Variants in ADGRV1 observed in about 807,000 individuals in gnomAD.
The protein encoded by ADGRV1 is G-protein coupled receptor 98.
A neutral mutation model predicts 596.2 loss-of-function variants in ADGRV1; 359 were observed. That is an observed-to-expected ratio of 0.60 (90% CI 0.55 to 0.66). The LOEUF (loss-of-function observed/expected upper bound fraction) is 0.66. Among genes scored for constraint, ADGRV1 ranks in the 30% least tolerant of loss-of-function variants. The pLI, the probability that ADGRV1 is intolerant of heterozygous loss-of-function variation, is 0.00. For synonymous variants in ADGRV1, 2,681 were observed against 2,679.2 expected (o/e 1.00, Z -0.02); for missense variants, 7,274 against 7,575.6 (o/e 0.96, Z 1.48).
At chr5:90,772,362 A>T (rs1307423836) in intron 59 of ADGRV1, among the ~76,000 whole-genome samples, 6 of 152,182 alleles carry the variant, frequency 3.9e-5, no homozygotes, top group Admixed American at 2.0e-4. Flanking sequence ...GTTGTAAACA[A>T]ATGTTCTTTT....
intron 50 of ADGRV1, among the ~76,000 whole-genome samples, chr5:90,740,011 C>T (rs1489077524): frequency 6.6e-6 from 1 of 152,144 alleles, no homozygotes; most frequent in African/African-American, 2.4e-5. Context: ...TGGATTGATG[C>T]TCACTAGCTG....
intron 31 of ADGRV1, 145 bp downstream of exon 31, chr5:90,691,186 G>A (rs148619483): frequency 3.8e-6 from 4 of 1,042,668 alleles, no homozygotes; most frequent in Non-Finnish European, 5.9e-6. Flanking sequence ...GTGTGAAAGT[G>A]ATCCTTACAG....
chr5:90,624,126 T>A (rs1006971281), intron 5 of ADGRV1, among the ~76,000 whole-genome samples: 18 of 152,158 alleles, frequency 1.2e-4, no homozygotes, highest in African/African-American at 4.3e-4. Context: ...CTTGTGGGTG[T>A]CCACATCATA....
In ADGRV1 at chr5:90,653,284, A is replaced by T. The variant is rs369818855; in HGVS notation, c.3710A>T (p.Asp1237Val). 6.2e-7 allele frequency: 1 copy of T among 1,613,806 alleles called. No homozygotes were observed. The highest frequency in any genetic ancestry group is 1.3e-5 in the African/African-American group (1 of 74,912). Reference sequence around the variant, plus strand: ...ACAGTAATGGTTCCATTCAATGATGATCCCTTTGGAGTTTTTATCTTGGAT... The same window carrying T: ...ACAGTAATGGTTCCATTCAATGATGTTCCCTTTGGAGTTTTTATCTTGGAT... ...QVTVMVPFNDDPFGVFILDPE... is the reference protein window; with the variant it reads ...QVTVMVPFNDVPFGVFILDPE... Residue 1237 changes from aspartate (D) to valine (V), a missense_variant, in exon 20 of 90, where the codon GAT becomes GTT. Physicochemically the swap from Asp to Val is radical, Grantham distance 152. Around this residue, in one of 5 missense-constraint regions of ADGRV1, gnomAD observed 1,715 missense variants for 1,708.8 expected, o/e 1.00. Coordinates refer to ENST00000405460, the MANE Select transcript of ADGRV1 (RefSeq NM_032119.4).
intron 87 of ADGRV1, among the ~76,000 whole-genome samples, chr5:91,132,075 G>A (rs996677400): frequency 6.6e-6 from 1 of 151,964 alleles, no homozygotes; most frequent in African/African-American, 2.4e-5. Context: ...GTTTATTTTT[G>A]TCAACTTTGT....
chr5:91,003,741 A>G (rs1460546002), intron 85 of ADGRV1, among the ~76,000 whole-genome samples: 1 of 152,100 alleles, frequency 6.6e-6, no homozygotes, highest in East Asian at 1.9e-4. Context: ...AAAAGTTTCA[A>G]AAGTTAAGTT....
chr5:90,847,339 T>C (rs988085537), intron 78 of ADGRV1, among the ~76,000 whole-genome samples: 2 of 152,126 alleles, frequency 1.3e-5, no homozygotes, highest in African/African-American at 2.4e-5. Flanking sequence ...AGGGTGCTGA[T>C]TGGTGTGTTT....
Position 90,684,047 on chromosome 5 carries a change from A to C in ADGRV1, c.6126A>C (p.Pro2042=), listed in dbSNP as rs1745289087. ...CAACTCAAGGAAGAGACTATATACC[A>C]GCTTCTGGATTTGCTCTTTTTGGAG... The part of the protein sequence containing the change: ...ARATQGRDYI[P]ASGFALFGAN... Residue 2042 remains proline, a synonymous_variant, in exon 28 of 90, where the codon CCA becomes CCC. Coordinates refer to ENST00000405460, the MANE Select transcript of ADGRV1 (RefSeq NM_032119.4). 6.2e-7 allele frequency: 1 copy of C among 1,613,876 alleles called. No individual in the cohort carries two copies. Among genetic ancestry groups the C allele is most frequent in the Non-Finnish European group, 8.5e-7 (1 of 1,179,896 alleles).
At position 90,756,974 on chromosome 5, in the gene ADGRV1, T is replaced by A. The variant is rs768961429; in HGVS notation, c.11758-5T>A. ...TTGCCTTTCAATTATATTCTTTACT[T>A]AAAGGGCGCTGGGGAAGTTATTACT... On this transcript the variant is annotated splice_region_variant and splice_polypyrimidine_tract_variant and intron_variant, in intron 56 of 89. Coordinates refer to ENST00000405460, the MANE Select transcript of ADGRV1 (RefSeq NM_032119.4). 3 of 1,577,810 alleles carry A rather than the reference T, an allele frequency of 1.9e-6. No individual in the cohort carries two copies. Among genetic ancestry groups the A allele is most frequent in the African/African-American group, 2.7e-5 (2 of 73,342 alleles).
chr5:90,698,924 A>G (rs1250923381), intron 34 of ADGRV1, among the ~76,000 whole-genome samples: 2 of 152,256 alleles, frequency 1.3e-5, no homozygotes, highest in Middle Eastern at 3.4e-3. Context: ...AACATGGCCA[A>G]AAAGGGGAGT....
chr5:90,784,049 G>A lies in ADGRV1; in HGVS notation c.13645G>A (p.Glu4549Lys), dbSNP rs1759159055. ...VLERTGGLLGEIQVNWETVGP... is the reference protein window; with the variant it reads ...VLERTGGLLGKIQVNWETVGP... Reference sequence around the variant, plus strand: ...GGAGCGGACTGGAGGACTCTTGGGAGAGATTCAGGTAGATTTATGTTCCCC... The same window carrying A: ...GGAGCGGACTGGAGGACTCTTGGGAAAGATTCAGGTAGATTTATGTTCCCC... The change falls in exon 67 of 90, where the codon GAG becomes AAG. Residue 4549 changes from glutamate to lysine, a missense_variant. Glu to Lys is a moderately conservative substitution (Grantham distance 56). This residue lies in a region of ADGRV1 where 3,643 missense variants were observed against 3,809.2 expected (regional missense o/e 0.96). Transcript: ENST00000405460. 1.9e-6 allele frequency: 3 copies of A among 1,605,664 alleles called. No individual in the cohort carries two copies. Among genetic ancestry groups the A allele is most frequent in the South Asian group, 1.1e-5 (1 of 90,216 alleles).
At chr5:91,155,159 A>C (rs1366830243) in intron 89 of ADGRV1, among the ~76,000 whole-genome samples, 1 of 152,244 alleles carries the variant, frequency 6.6e-6, no homozygotes, top group Admixed American at 6.5e-5. Flanking sequence ...ACATTCACAT[A>C]AACATGACAT....
At chr5:91,031,365 G>A (rs983652271) in intron 85 of ADGRV1, 10 of 1,194,716 alleles carry the variant, frequency 8.4e-6, no homozygotes, top group African/African-American at 3.0e-5. Flanking sequence ...ATCCGCTGAC[G>A]GAAGTTCATC....
chr5:90,743,336 C>T (rs560958304), intron 50 of ADGRV1, among the ~76,000 whole-genome samples: 13 of 152,166 alleles, frequency 8.5e-5, no homozygotes, highest in South Asian at 2.1e-4. Context: ...TAAATAAGCA[C>T]GAACAGTGGT....
intron 84 of ADGRV1, among the ~76,000 whole-genome samples, chr5:90,981,518 C>T (rs999250272): frequency 6.6e-6 from 1 of 152,054 alleles, no homozygotes; most frequent in African/African-American, 2.4e-5. Flanking sequence ...CCTCCCACAT[C>T]CTAAAGCTGT....
intron 1 of ADGRV1, among the ~76,000 whole-genome samples, chr5:90,595,125 A>C (rs1580383731): frequency 8.5e-6 from 1 of 118,110 alleles, no homozygotes; most frequent in African/African-American, 3.6e-5. Context: ...TGACCCCCCC[A>C]CCTCCCTCCC....
chr5:90,589,964 A>C (rs1345904301), intron 1 of ADGRV1, among the ~76,000 whole-genome samples: 3 of 152,190 alleles, frequency 2.0e-5, no homozygotes. Context: ...ATACATAAAT[A>C]TATTTGTACA....
At chr5:90,619,886 A>G (rs565578044) in intron 4 of ADGRV1, among the ~76,000 whole-genome samples, 169 of 151,946 alleles carry the variant, frequency 1.1e-3, no homozygotes, top group African/African-American at 3.7e-3. Context: ...TTTGCTGAGA[A>G]TGATGGTTTC....
rs757135353 is a variant in ADGRV1, at chr5:90,642,971, T to C, written c.2483T>C (p.Val828Ala). Residue 828 changes from valine (V) to alanine (A), a missense_variant, in exon 13 of 90, where the codon GTA becomes GCA. Physicochemically the swap from Val to Ala is moderately conservative, Grantham distance 64. Transcript: ENST00000405460. ...AATGAATTCTATGGAAACACGGGAG[T>C]ACTAGAATTTAAACCTGGAGAAAGG... ...DSNEFYGNTG[V>A]LEFKPGEREI... The C allele has an allele frequency of 6.6e-5, 107 of 1,613,270 alleles. No homozygotes were observed. Among genetic ancestry groups the C allele is most frequent in the Non-Finnish European group, 8.6e-5 (102 of 1,179,538 alleles).
Sources: allele counts gnomAD v4.1 joint callset (sites outside exome capture counted in the v4.1 genomes callset), GRCh38; gene constraint gnomAD v4.1.1; regional missense constraint gnomAD v4.1.1; transcripts MANE v1.5; gene names NCBI Gene and HGNC (gene_info 2026-07-23, HGNC 2026-07-21).